Variants in TTBK2 observed in about 807,000 individuals in gnomAD.
TTBK2 encodes tau tubulin kinase 2.
A neutral mutation model predicts 110.8 loss-of-function variants in TTBK2; 28 were observed. The observed-to-expected ratio is 0.25, with a 90% CI of 0.19 to 0.35. The LOEUF (loss-of-function observed/expected upper bound fraction) is 0.35. TTBK2 is among the 10% of genes least tolerant of loss of function. TTBK2 has a pLI of 1.00. For synonymous variants in TTBK2, 532 were observed against 527.3 expected, an observed-to-expected ratio of 1.01 and a Z score of -0.12; for missense variants, 1,369 against 1,500.3, an observed-to-expected ratio of 0.91 and a Z score of 1.45.
intron 6 of TTBK2, among the ~76,000 whole-genome samples, chr15:42,817,355 TTA>T (rs1450525593): frequency 6.6e-6 from 1 of 152,162 alleles, no homozygotes; most frequent in Non-Finnish European, 1.5e-5. Context: ...ACAGAGGCAT[TTA>T]TGACATCTAT....
chr15:42,900,884 A>G (rs1369434101), intron 1 of TTBK2, among the ~76,000 whole-genome samples: 4 of 152,188 alleles, frequency 2.6e-5, no homozygotes, highest in Non-Finnish European at 4.4e-5. Flanking sequence ...ACATGGTCAA[A>G]TGATTTTCAA....
chr15:42,775,057 A>G, intron 13 of TTBK2, 78 bp downstream of exon 13: 1 of 1,466,638 alleles, frequency 6.8e-7, no homozygotes, highest in Non-Finnish European at 9.4e-7. Context: ...GAAGTATCTT[A>G]GTTGATCAAC....
chr15:42,830,107 T>C (rs1200131379), intron 4 of TTBK2, 29 bp from the exon 5 acceptor site: 11 of 1,613,498 alleles, frequency 6.8e-6, no homozygotes, highest in Non-Finnish European at 9.3e-6. Context: ...CACTTTCAAA[T>C]ACAGTACTAA....
chr15:42,776,467 T>C (rs1409213486), intron 12 of TTBK2, among the ~76,000 whole-genome samples: 2 of 152,228 alleles, frequency 1.3e-5, no homozygotes, highest in East Asian at 1.9e-4. Context: ...CCTATGTATA[T>C]AGATCTCTCA....
intron 4 of TTBK2, among the ~76,000 whole-genome samples, chr15:42,837,607 C>T (rs939073295): frequency 3.7e-5 from 5 of 136,510 alleles, no homozygotes; most frequent in African/African-American, 1.1e-4. Context: ...TGCAGTGAGC[C>T]GAGATTGTGC....
intron 4 of TTBK2, among the ~76,000 whole-genome samples, chr15:42,835,432 G>A (rs1482682078): frequency 6.6e-6 from 1 of 152,080 alleles, no homozygotes; most frequent in East Asian, 1.9e-4. Flanking sequence ...GACAACCACA[G>A]GGAAACAACC....
intron 11 of TTBK2, among the ~76,000 whole-genome samples, chr15:42,780,327 C>T (rs1336873420): frequency 6.7e-6 from 1 of 150,260 alleles, no homozygotes; most frequent in Non-Finnish European, 1.5e-5. Flanking sequence ...GCCACTGTGC[C>T]AGGGCAAGTC....
intron 4 of TTBK2, among the ~76,000 whole-genome samples, chr15:42,833,990 G>A (rs998256632): frequency 2.0e-5 from 3 of 151,870 alleles, no homozygotes; most frequent in Non-Finnish European, 4.4e-5. Context: ...CAGCCTGGGC[G>A]ACAGAGAGAG....
intron 2 of TTBK2, among the ~76,000 whole-genome samples, chr15:42,877,207 A>G (rs1443198642): frequency 6.6e-6 from 1 of 152,194 alleles, no homozygotes; most frequent in East Asian, 1.9e-4. Flanking sequence ...CTAGGTAATG[A>G]TCATCAATAG....
At chr15:42,893,978 C>T (rs1372112327) in intron 1 of TTBK2, among the ~76,000 whole-genome samples, 1 of 152,136 alleles carries the variant, frequency 6.6e-6, no homozygotes, top group Non-Finnish European at 1.5e-5. Flanking sequence ...TGTGTCCCTA[C>T]CCAAATCTCA....
At chr15:42,769,829 A>G (rs1889579168) in intron 13 of TTBK2, among the ~76,000 whole-genome samples, 1 of 152,214 alleles carries the variant, frequency 6.6e-6, no homozygotes, top group African/African-American at 2.4e-5. Flanking sequence ...TTGTGGCACT[A>G]TTCACAACAG....
intron 1 of TTBK2, among the ~76,000 whole-genome samples, chr15:42,896,942 G>A (rs372887077): frequency 3.3e-5 from 5 of 150,972 alleles, no homozygotes; most frequent in East Asian, 1.9e-4. Context: ...ACAGTGGCAC[G>A]ATCTCATTTT....
At chr15:42,831,022 A>ATG (rs67420749) in intron 4 of TTBK2, among the ~76,000 whole-genome samples, 7,705 of 145,398 alleles carry the variant, frequency 0.053, 395 homozygotes, top group African/African-American at 0.14. Context: ...AAATGTATAT[A>ATG]TGTGTGTGTG....
At chr15:42,802,654 T>G (rs139454516) in intron 9 of TTBK2, among the ~76,000 whole-genome samples, 21 of 152,350 alleles carry the variant, frequency 1.4e-4, no homozygotes, top group Non-Finnish European at 1.6e-4. Context: ...GGGTGTCACA[T>G]AGCAACGGGG....
intron 1 of TTBK2, among the ~76,000 whole-genome samples, chr15:42,909,200 G>A (rs1041284438): frequency 6.6e-6 from 1 of 152,166 alleles, no homozygotes; most frequent in African/African-American, 2.4e-5. Flanking sequence ...GCTATTCACA[G>A]GCTCAATTCT....
rs377436081 is a variant in TTBK2, at chr15:42,772,155, G to A, written c.1998+2980C>T. 5.3e-5 allele frequency among the ~76,000 whole-genome samples: 8 copies of A among 151,818 alleles called. No individual in the cohort carries two copies. The East Asian group carries it at 5.8e-4, about 11-fold the overall frequency. On this transcript the variant is annotated intron_variant, in intron 13 of 14. Transcript: ENST00000267890. ...ACTAATAGAATATGGCAGAAGTGAT[G>A]GTATGTCCCTTCTGACAGATTAGAA...
intron 9 of TTBK2, among the ~76,000 whole-genome samples, chr15:42,795,182 C>T (rs143349890): frequency 1.6e-3 from 242 of 151,468 alleles, no homozygotes; most frequent in African/African-American, 5.7e-3. Context: ...TATGTTTCAA[C>T]CTAAAAAAGT....
chr15:42,889,709 C>T (rs1895380520), intron 1 of TTBK2, among the ~76,000 whole-genome samples: 1 of 152,074 alleles, frequency 6.6e-6, no homozygotes, highest in South Asian at 2.1e-4. Context: ...TACAAAACCG[C>T]ATCCAAGCCA....
chr15:42,831,590 A>G (rs562072238), intron 4 of TTBK2, among the ~76,000 whole-genome samples: 2 of 152,348 alleles, frequency 1.3e-5, no homozygotes, highest in Admixed American at 1.3e-4. Flanking sequence ...ACTGAGGTTC[A>G]AAGAGGTTAA....
Sources: gnomAD v4.1 joint callset for allele counts (sites outside exome capture counted in the v4.1 genomes callset) on GRCh38, gnomAD v4.1.1 for gene constraint, MANE v1.5 for transcripts, NCBI Gene and HGNC (gene_info 2026-07-23, HGNC 2026-07-21) for gene names.